The following AXDND1 variants were observed in gnomAD, a reference collection of about 807,000 sequenced individuals.
The protein encoded by AXDND1 is axonemal dynein light chain domain containing 1.
AXDND1 carries 110 observed loss-of-function variants against 137.5 expected under a neutral mutation model. That is an observed-to-expected ratio of 0.80 (90% CI 0.69 to 0.94). The LOEUF (loss-of-function observed/expected upper bound fraction) is 0.94. Ranked by LOEUF, AXDND1 falls within the 40% of genes least tolerant of loss-of-function variation. The probability of loss-of-function intolerance (pLI) is 0.00; values close to 1 mark genes in which losing one functional copy is unlikely to be tolerated. For synonymous variants in AXDND1, 414 were observed against 399.7 expected, an observed-to-expected ratio of 1.04 and a Z score of -0.43; for missense variants, 1,191 against 1,169.8, an observed-to-expected ratio of 1.02 and a Z score of -0.26.
rs77445960 is a variant in AXDND1, at chr1:179,405,907, T to C, written c.1110-5239T>C. On this transcript the variant is annotated intron_variant, in intron 11 of 25. Coordinates refer to ENST00000367618, the MANE Select transcript of AXDND1 (RefSeq NM_144696.6). Reference sequence around the variant, plus strand: ...TTATTATTTGTTTCTTTCTACTAATTTTGGGTTTTGTTTTTTCTCTCTTTT... The same window carrying C: ...TTATTATTTGTTTCTTTCTACTAATCTTGGGTTTTGTTTTTTCTCTCTTTT... Among the ~76,000 whole-genome samples the C allele has an allele frequency of 2.9e-4, 44 of 152,216 alleles. No homozygotes were observed. The East Asian group carries it at 8.1e-3, about 28-fold the overall frequency.
At chr1:179,553,912 ATTTT>A (rs11422639) in intron 25 of AXDND1, among the ~76,000 whole-genome samples, 1 of 131,872 alleles carries the variant, frequency 7.6e-6, no homozygotes. Context: ...CCCCTGGCTA[ATTTT>A]TTTTTTTTTT....
At chr1:179,471,466 A>C (rs1022924366) in intron 17 of AXDND1, among the ~76,000 whole-genome samples, 1 of 152,194 alleles carries the variant, frequency 6.6e-6, no homozygotes, top group Admixed American at 6.5e-5. Flanking sequence ...TGACAATTTC[A>C]TCCAAGTTAT....
intron 12 of AXDND1, among the ~76,000 whole-genome samples, chr1:179,418,679 A>C (rs1655112041): frequency 2.2e-5 from 3 of 137,448 alleles, no homozygotes; most frequent in African/African-American, 2.8e-5. Flanking sequence ...CGACACCACC[A>C]CCTCCCTCCC....
chr1:179,554,420 G>T lies in AXDND1; in HGVS notation c.3032-92G>T. The T allele has an allele frequency of 1.9e-6, 3 of 1,606,932 alleles. No homozygotes were observed. The Admixed American group carries it at 5.0e-5, about 27-fold the overall frequency. On this transcript the variant is annotated intron_variant, in intron 25 of 25. Coordinates refer to ENST00000367618, the MANE Select transcript of AXDND1 (RefSeq NM_144696.6). ...ATTTTTCAAATGAAAAATTTAAAAT[G>T]AAACCAGAATATTTTCCTTTATCAT...
chr1:179,409,795 A>G (rs2125215084), intron 11 of AXDND1, among the ~76,000 whole-genome samples: 1 of 152,336 alleles, frequency 6.6e-6, no homozygotes. Context: ...CCTGGGGGAC[A>G]AGAGCGAAAC....
chr1:179,421,780 G>A (rs1459796523), intron 12 of AXDND1, among the ~76,000 whole-genome samples: 2 of 151,820 alleles, frequency 1.3e-5, no homozygotes, highest in East Asian at 3.9e-4. Context: ...GCTCACACCT[G>A]TTATCGTAGC....
intron 18 of AXDND1, among the ~76,000 whole-genome samples, chr1:179,488,699 C>CTTT (rs1344173982): frequency 2.0e-5 from 2 of 99,320 alleles, no homozygotes; most frequent in Non-Finnish European, 4.1e-5. Flanking sequence ...TTCTTTCTTT[C>CTTT]CTCTCTCTGT....
intron 17 of AXDND1, among the ~76,000 whole-genome samples, chr1:179,478,881 C>T (rs887531224): frequency 1.3e-5 from 2 of 152,054 alleles, no homozygotes; most frequent in Non-Finnish European, 2.9e-5. Flanking sequence ...AGGTGGATCA[C>T]TTGAGGTCAG....
At chr1:179,379,253 A>T in intron 5 of AXDND1, 144 bp from the exon 6 acceptor site, 1 of 775,832 alleles carries the variant, frequency 1.3e-6, no homozygotes. Flanking sequence ...TATGACCCAC[A>T]TTGCTAATAT....
chr1:179,528,063 T>C lies in AXDND1; in HGVS notation c.2611-264T>C, dbSNP rs550319736. Among the ~76,000 whole-genome samples, 3 of 152,322 alleles carry C rather than the reference T, an allele frequency of 2.0e-5. No individual in the cohort carries two copies. The East Asian group carries it at 5.8e-4, about 29-fold the overall frequency. On this transcript the variant is annotated intron_variant, in intron 22 of 25. Transcript: ENST00000367618. ...AATTATTCATTTTATTATCTATCTC[T>C]CCTATAGTACTGTCAGTTCCTGGAA...
At chr1:179,464,975 A>G (rs1394380952) in intron 16 of AXDND1, among the ~76,000 whole-genome samples, 1 of 152,104 alleles carries the variant, frequency 6.6e-6, no homozygotes, top group Non-Finnish European at 1.5e-5. Context: ...CAGGTCACTT[A>G]AGGTCTTCTG....
chr1:179,533,717 A>T, intron 23 of AXDND1, 78 bp from the exon 24 acceptor site: 1 of 1,119,372 alleles, frequency 8.9e-7, no homozygotes. Flanking sequence ...AGAAGGTTTG[A>T]TCCAGAACAT....
intron 18 of AXDND1, among the ~76,000 whole-genome samples, chr1:179,486,084 A>C (rs1038240037): frequency 8.2e-5 from 12 of 145,838 alleles, no homozygotes; most frequent in Non-Finnish European, 1.6e-4. Flanking sequence ...GTGCCATTGC[A>C]CTCCAGCCTG....
intron 4 of AXDND1, among the ~76,000 whole-genome samples, chr1:179,374,883 G>C (rs1287324526): frequency 6.6e-6 from 1 of 150,730 alleles, no homozygotes. Context: ...TAAATGATGA[G>C]TTAATGGGGG....
chr1:179,384,727 A>C (rs1364092072), intron 8 of AXDND1, among the ~76,000 whole-genome samples: 1 of 150,978 alleles, frequency 6.6e-6, no homozygotes, highest in African/African-American at 2.4e-5. Flanking sequence ...CATAGAAGTG[A>C]TATTGTGACC....
intron 16 of AXDND1, among the ~76,000 whole-genome samples, chr1:179,462,414 T>C (rs1662471293): frequency 6.6e-6 from 1 of 152,240 alleles, no homozygotes; most frequent in Admixed American, 6.5e-5. Flanking sequence ...TCGTGGTGGA[T>C]AAGCTTTTTG....
intron 25 of AXDND1, among the ~76,000 whole-genome samples, chr1:179,539,774 T>C (rs1041326793): frequency 2.6e-5 from 4 of 152,198 alleles, no homozygotes; most frequent in African/African-American, 4.8e-5. Flanking sequence ...GATAATATCC[T>C]GAAGAGTGTT....
chr1:179,368,352 T>C (rs1667679844), intron 2 of AXDND1, among the ~76,000 whole-genome samples: 1 of 152,194 alleles, frequency 6.6e-6, no homozygotes, highest in African/African-American at 2.4e-5. Flanking sequence ...TATAAATGCC[T>C]CGATTTAATG....
chr1:179,506,891 G>GGTA, intron 20 of AXDND1: 1 of 985,388 alleles, frequency 1.0e-6, no homozygotes. Context: ...TGAAGATGGT[G>GGTA]GTAGTAGGAA....
Sources: allele counts gnomAD v4.1 joint callset (sites outside exome capture counted in the v4.1 genomes callset), GRCh38; gene constraint gnomAD v4.1.1; transcripts MANE v1.5; gene names NCBI Gene and HGNC (gene_info 2026-07-23, HGNC 2026-07-21).